The following ANKRD44 variants were observed in gnomAD, a reference collection of about 807,000 sequenced individuals.
ANKRD44 encodes serine/threonine-protein phosphatase 6 regulatory ankyrin repeat subunit B.
Under a neutral mutation model 116.0 loss-of-function variants are expected in ANKRD44, and 35 were observed. That is an observed-to-expected ratio of 0.30 (90% CI 0.23 to 0.40). The LOEUF (loss-of-function observed/expected upper bound fraction) is 0.40. Ranked by LOEUF, ANKRD44 falls within the 10% of genes least tolerant of loss-of-function variation. ANKRD44 has a pLI of 1.00. For synonymous variants in ANKRD44, 435 were observed against 461.8 expected (o/e 0.94, Z 0.74); for missense variants, 1,014 against 1,242.6 (o/e 0.82, Z 2.77).
intron 13 of ANKRD44, among the ~76,000 whole-genome samples, chr2:197,084,408 T>G (rs546956886): frequency 6.6e-6 from 1 of 152,236 alleles, no homozygotes; most frequent in African/African-American, 2.4e-5. Flanking sequence ...TCTCTGGGTC[T>G]GTCTTGAGTT....
At chr2:197,012,634 GA>G (rs1419932032) in intron 18 of ANKRD44, among the ~76,000 whole-genome samples, 2 of 151,954 alleles carry the variant, frequency 1.3e-5, no homozygotes, top group African/African-American at 4.8e-5. Context: ...CAGTGGCTTG[GA>G]AATTCAGGGA....
chr2:197,000,907 G>A (rs113334585), intron 22 of ANKRD44, among the ~76,000 whole-genome samples: 145 of 152,236 alleles, frequency 9.5e-4, no homozygotes, highest in Middle Eastern at 3.4e-3. Flanking sequence ...GCGTGGTGGC[G>A]CGCACCTGTA....
chr2:197,028,312 T>G (rs953584494), intron 16 of ANKRD44, among the ~76,000 whole-genome samples: 2 of 152,052 alleles, frequency 1.3e-5, no homozygotes, highest in African/African-American at 4.8e-5. Context: ...AGCCTTGAAC[T>G]CCTGGGCTCA....
chr2:197,009,094 G>A (rs1006383022), intron 18 of ANKRD44, 63 bp from the exon 19 acceptor site: 2 of 1,431,636 alleles, frequency 1.4e-6, no homozygotes, highest in African/African-American at 1.4e-5. Flanking sequence ...TCTTCCAAAT[G>A]ACTTTTTCTT....
chr2:197,050,969 CTTTT>C (rs11428405), intron 16 of ANKRD44, among the ~76,000 whole-genome samples: 1 of 134,900 alleles, frequency 7.4e-6, no homozygotes, highest in Non-Finnish European at 1.6e-5. Flanking sequence ...GTCTCCCTTA[CTTTT>C]TTTTTTTTTT....
chr2:197,030,997 T>A (rs1337095158), intron 16 of ANKRD44, among the ~76,000 whole-genome samples: 1 of 151,930 alleles, frequency 6.6e-6, no homozygotes, highest in African/African-American at 2.4e-5. Flanking sequence ...TACAAGTTTG[T>A]ATAGATGTTT....
chr2:197,180,633 T>C (rs916413889), intron 2 of ANKRD44, among the ~76,000 whole-genome samples: 16 of 152,168 alleles, frequency 1.1e-4, no homozygotes, highest in Non-Finnish European at 7.4e-5. Context: ...AAGTAGGATA[T>C]ATGTAGGTGA....
chr2:197,223,781 T>C lies in ANKRD44; in HGVS notation c.28-36675A>G, dbSNP rs2125737942. On this transcript the variant is annotated intron_variant, in intron 1 of 27. Coordinates refer to ENST00000282272, the MANE Select transcript of ANKRD44 (RefSeq NM_001195144.2). ...CACTGTATGAGGGATCCTGTTTAACTATATCTTCACTACATTTGTCACTTT... is the reference window on the plus strand; with the variant it reads ...CACTGTATGAGGGATCCTGTTTAACCATATCTTCACTACATTTGTCACTTT... Among the ~76,000 whole-genome samples, 3 of 152,364 alleles carry C rather than the reference T, an allele frequency of 2.0e-5. No homozygotes were observed. The South Asian group carries it at 6.2e-4, about 32-fold the overall frequency.
chr2:197,218,170 G>A (rs1020445006), intron 1 of ANKRD44, among the ~76,000 whole-genome samples: 1 of 152,134 alleles, frequency 6.6e-6, no homozygotes, highest in Admixed American at 6.5e-5. Flanking sequence ...AGAGAGATGG[G>A]AAGACTATCC....
At chr2:197,133,521 A>G (rs1173097014) in intron 4 of ANKRD44, among the ~76,000 whole-genome samples, 1 of 152,202 alleles carries the variant, frequency 6.6e-6, no homozygotes, top group Admixed American at 6.5e-5. Context: ...AATTATCTAC[A>G]TTTTATAAGC....
At chr2:197,040,938 C>G (rs2076898923) in intron 16 of ANKRD44, among the ~76,000 whole-genome samples, 1 of 152,138 alleles carries the variant, frequency 6.6e-6, no homozygotes, top group Non-Finnish European at 1.5e-5. Flanking sequence ...ACACATTTCA[C>G]TCTTCTCTTA....
In ANKRD44 at chr2:197,159,669, A is replaced by G. The variant is rs142596520; in HGVS notation, c.112-12564T>C. Among the ~76,000 whole-genome samples the G allele has an allele frequency of 5.3e-5, 8 of 152,362 alleles. No individual in the cohort carries two copies. The East Asian group carries it at 1.5e-3, about 29-fold the overall frequency. On this transcript the variant is annotated intron_variant, in intron 2 of 27. Coordinates refer to ENST00000282272, the MANE Select transcript of ANKRD44 (RefSeq NM_001195144.2). ...ATTACATTTATGATTAAACATGGCA[A>G]AATTGTAATTTGTCTAATGATTCAT...
intron 24 of ANKRD44, 98 bp downstream of exon 24, chr2:196,998,809 C>G: frequency 1.3e-6 from 2 of 1,495,234 alleles, no homozygotes; most frequent in Non-Finnish European, 1.8e-6. Flanking sequence ...TGGCCCTTTT[C>G]CACGTGTATA....
At chr2:197,070,494 T>A (rs146592041) in intron 16 of ANKRD44, among the ~76,000 whole-genome samples, 1 of 152,322 alleles carries the variant, frequency 6.6e-6, no homozygotes, top group East Asian at 1.9e-4. Context: ...TCTGCATTGG[T>A]TGATATAAAT....
At chr2:197,214,941 A>C (rs2081411554) in intron 1 of ANKRD44, among the ~76,000 whole-genome samples, 2 of 152,076 alleles carry the variant, frequency 1.3e-5, no homozygotes, top group African/African-American at 4.8e-5. Context: ...GCAGTGGCAC[A>C]ATTTCCACTC....
chr2:197,273,728 G>A (rs1014211424), intron 1 of ANKRD44, among the ~76,000 whole-genome samples: 2 of 152,048 alleles, frequency 1.3e-5, no homozygotes, highest in African/African-American at 4.8e-5. Context: ...CCAGTTGGCT[G>A]GAGCCTGGGA....
chr2:196,976,212 C>G (rs1229301784), intron 21 of ANKRD44, among the ~76,000 whole-genome samples: 1 of 152,080 alleles, frequency 6.6e-6, no homozygotes, highest in Non-Finnish European at 1.5e-5. Context: ...TCTTGGCTTA[C>G]TGTAACCTCC....
chr2:197,246,179 T>C (rs1263484844), intron 1 of ANKRD44, among the ~76,000 whole-genome samples: 1 of 151,938 alleles, frequency 6.6e-6, no homozygotes, highest in Non-Finnish European at 1.5e-5. Flanking sequence ...TAGATTTTTA[T>C]TTTTATTTAT....
chr2:197,224,950 G>A (rs1454014623), intron 1 of ANKRD44, among the ~76,000 whole-genome samples: 1 of 152,172 alleles, frequency 6.6e-6, no homozygotes, highest in Non-Finnish European at 1.5e-5. Flanking sequence ...TACAGATGGT[G>A]ACTTCCTGTT....
Sources: gnomAD v4.1 joint callset for allele counts (sites outside exome capture counted in the v4.1 genomes callset) on GRCh38, gnomAD v4.1.1 for gene constraint, MANE v1.5 for transcripts, NCBI Gene and HGNC (gene_info 2026-07-23, HGNC 2026-07-21) for gene names.